HECA: variants seen among roughly 807,000 people sequenced by gnomAD.
HECA encodes the protein HECA ribonucleoprotein granule regulator, also known as headcase protein homolog.
Under a neutral mutation model 37.6 loss-of-function variants are expected in HECA, and 13 were observed. The observed-to-expected ratio is 0.35, with a 90% CI of 0.23 to 0.55. The LOEUF is 0.55. Among genes scored for constraint, HECA ranks in the 20% least tolerant of loss-of-function variants. HECA has a pLI of 0.90. For synonymous variants in HECA, 307 were observed against 291.5 expected (o/e 1.05, Z -0.54); for missense variants, 527 against 701.9 (o/e 0.75, Z 2.82).
chr6:139,163,478 C>T (rs1002906271), intron 1 of HECA, among the ~76,000 whole-genome samples: 3 of 152,088 alleles, frequency 2.0e-5, no homozygotes, highest in East Asian at 1.9e-4. Flanking sequence ...CTCAGCCTCC[C>T]GAGTAGCTGG....
intron 1 of HECA, among the ~76,000 whole-genome samples, chr6:139,139,406 T>G (rs775221904): frequency 6.6e-6 from 1 of 152,234 alleles, no homozygotes; most frequent in Non-Finnish European, 1.5e-5. Context: ...TTACATACAT[T>G]AGATAGATTA....
intron 1 of HECA, among the ~76,000 whole-genome samples, chr6:139,148,102 G>A (rs950269825): frequency 2.6e-5 from 4 of 151,924 alleles, no homozygotes. Flanking sequence ...TTTCTTGTTT[G>A]TGATTTTTGT....
chr6:139,160,472 C>T (rs1235156177), intron 1 of HECA, among the ~76,000 whole-genome samples: 1 of 152,206 alleles, frequency 6.6e-6, no homozygotes, highest in Non-Finnish European at 1.5e-5. Flanking sequence ...CAAGGTTTCA[C>T]TCATTGCCGA....
intron 1 of HECA, among the ~76,000 whole-genome samples, chr6:139,144,771 G>T (rs547558103): frequency 6.6e-6 from 1 of 152,240 alleles, no homozygotes; most frequent in African/African-American, 2.4e-5. Context: ...ACCCTCAATT[G>T]TGGTTTTTCA....
At chr6:139,152,432 G>GTGTGTGTA (rs1307094363) in intron 1 of HECA, among the ~76,000 whole-genome samples, 1 of 151,936 alleles carries the variant, frequency 6.6e-6, no homozygotes, top group Non-Finnish European at 1.5e-5. Flanking sequence ...GTGTGTGTGT[G>GTGTGTGTA]TGTGTGTGTG....
intron 1 of HECA, among the ~76,000 whole-genome samples, chr6:139,163,352 C>CTTT (rs60943037): frequency 0.027 from 3,795 of 141,870 alleles, 186 homozygotes; most frequent in Admixed American, 0.11. Context: ...GTTCTCCATT[C>CTTT]TTTTTTTTTT....
intron 1 of HECA, among the ~76,000 whole-genome samples, chr6:139,157,102 AGTG>A (rs897057892): frequency 2.6e-4 from 39 of 152,242 alleles, no homozygotes; most frequent in African/African-American, 8.2e-4. Flanking sequence ...ACACTAAACA[AGTG>A]GTGGATTATT....
At chr6:139,143,210 C>T (rs1774536896) in intron 1 of HECA, among the ~76,000 whole-genome samples, 1 of 152,098 alleles carries the variant, frequency 6.6e-6, no homozygotes, top group African/African-American at 2.4e-5. Flanking sequence ...AAATGCAATC[C>T]TTTAGGGTGT....
chr6:139,143,056 C>A (rs968073510), intron 1 of HECA, among the ~76,000 whole-genome samples: 1 of 152,162 alleles, frequency 6.6e-6, no homozygotes, highest in Non-Finnish European at 1.5e-5. Context: ...TCTAATCTTA[C>A]AAAGTAAGAT....
chr6:139,140,824 T>A (rs1774504028), intron 1 of HECA, among the ~76,000 whole-genome samples: 1 of 152,218 alleles, frequency 6.6e-6, no homozygotes, highest in East Asian at 1.9e-4. Flanking sequence ...GGAGTCTCGC[T>A]CTGTCACCCA....
At chr6:139,168,420 G>T in intron 2 of HECA, among the ~76,000 whole-genome samples, 1 of 146,116 alleles carries the variant, frequency 6.8e-6, no homozygotes. Flanking sequence ...ATTTTGATTT[G>T]CATAGTTTTT....
intron 1 of HECA, among the ~76,000 whole-genome samples, chr6:139,161,256 G>A (rs957215937): frequency 6.6e-6 from 1 of 152,146 alleles, no homozygotes; most frequent in Non-Finnish European, 1.5e-5. Flanking sequence ...ATAGGGTGAA[G>A]TGTCTGTTGT....
Position 139,164,080 on chromosome 6 carries a change from A to ACT in HECA, c.272-2185_272-2184dup, listed in dbSNP as rs71549028. On this transcript the variant is annotated intron_variant, in intron 1 of 3. Coordinates refer to ENST00000367658, the MANE Select transcript of HECA (RefSeq NM_016217.3). Reference sequence around the variant, plus strand: ...CACACACACACAAACACACACACACACTCTCTCTCTCTCTCTCTCTGAGCA... The same window carrying ACT: ...CACACACACACAAACACACACACACACTCTCTCTCTCTCTCTCTCTCTGAGCA... Among the ~76,000 whole-genome samples the ACT allele has an allele frequency of 5.5e-3, 818 of 147,640 alleles. 6 individuals are homozygous for ACT. Among genetic ancestry groups the ACT allele is most frequent in the Middle Eastern group, 7.3e-3 (2 of 274 alleles).
At chr6:139,137,743 A>G (rs916227687) in intron 1 of HECA, among the ~76,000 whole-genome samples, 9 of 144,632 alleles carry the variant, frequency 6.2e-5, no homozygotes, top group African/African-American at 2.3e-4. Flanking sequence ...TTTTTTTCTT[A>G]GGCTACTTGT....
At chr6:139,141,588 C>A (rs1032799198) in intron 1 of HECA, among the ~76,000 whole-genome samples, 1 of 152,150 alleles carries the variant, frequency 6.6e-6, no homozygotes, top group Non-Finnish European at 1.5e-5. Context: ...TCTCACAGTT[C>A]TAGAAGCTGG....
At position 139,135,313 on chromosome 6, in the gene HECA, G is replaced by T; in HGVS notation, c.-84G>T. 9.1e-7 allele frequency: 1 copy of T among 1,101,748 alleles called. No individual in the cohort carries two copies. The highest frequency in any genetic ancestry group is 1.7e-5 in the African/African-American group (1 of 58,918). The allele number at this position is 1,101,748 out of a possible 1,614,324, so 68.2% of individuals were successfully genotyped here. On this transcript the variant is annotated 5_prime_UTR_variant, in exon 1 of 4. Transcript: ENST00000367658. ...CGCCCTCCGTTCTTTCCCGGAGCCG[G>T]CTTCACGCAGGGCCGGGAACGGCCG... is the stretch of plus-strand genomic sequence containing the variant.
chr6:139,151,316 G>A (rs563582260), intron 1 of HECA: 1 of 152,272 alleles, frequency 6.6e-6, no homozygotes, highest in South Asian at 2.1e-4. Context: ...ATTTATTTTA[G>A]GGTATGGATA....
chr6:139,151,354 G>T (rs768243836), intron 1 of HECA: 1 of 152,180 alleles, frequency 6.6e-6, no homozygotes, highest in South Asian at 2.1e-4. Flanking sequence ...TAGCTACATC[G>T]TGCTGAGATT....
chr6:139,140,061 C>G (rs2114433113), intron 1 of HECA, among the ~76,000 whole-genome samples: 1 of 152,218 alleles, frequency 6.6e-6, no homozygotes, highest in Non-Finnish European at 1.5e-5. Context: ...TTTTGGAGTA[C>G]CACCTGTTCC....
Sources: gnomAD v4.1 joint callset for allele counts (sites outside exome capture counted in the v4.1 genomes callset) on GRCh38, gnomAD v4.1.1 for gene constraint, MANE v1.5 for transcripts, NCBI Gene and HGNC (gene_info 2026-07-23, HGNC 2026-07-21) for gene names.